ATF6: variants seen among roughly 807,000 people sequenced by gnomAD.
ATF6 encodes the protein activating transcription factor 6.
In ATF6, 53 loss-of-function variants were observed where a neutral mutation model predicts 83.6. The ratio of observed to expected loss-of-function variants is 0.63; its 90% CI spans 0.51 to 0.80. The LOEUF is 0.80. ATF6 is among the 30% of genes least tolerant of loss of function. The pLI, the probability that ATF6 is intolerant of heterozygous loss-of-function variation, is 0.00. For missense variants in ATF6, 744 were observed against 797.9 expected (o/e 0.93, Z 0.81); for synonymous variants, 288 against 285.8 (o/e 1.01, Z -0.08).
chr1:161,820,303 A>T (rs770561734), intron 8 of ATF6, among the ~76,000 whole-genome samples: 2 of 152,122 alleles, frequency 1.3e-5, no homozygotes, highest in Non-Finnish European at 2.9e-5. Context: ...AACCATATAG[A>T]TGCCTACTGA....
At chr1:161,841,389 C>T (rs370085146) in intron 9 of ATF6, among the ~76,000 whole-genome samples, 14 of 152,160 alleles carry the variant, frequency 9.2e-5, no homozygotes, top group African/African-American at 3.4e-4. Context: ...CTGAATTGGA[C>T]AATCAACTTG....
At chr1:161,862,108 G>A (rs4656336) in intron 13 of ATF6, among the ~76,000 whole-genome samples, 74,762 of 152,042 alleles carry the variant, frequency 0.49, 22,442 homozygotes, top group Middle Eastern at 0.66. Context: ...ACCTAACCCT[G>A]TATTTCCCCC....
intron 6 of ATF6, among the ~76,000 whole-genome samples, chr1:161,796,545 C>A (rs1284192614): frequency 6.6e-6 from 1 of 152,118 alleles, no homozygotes; most frequent in Non-Finnish European, 1.5e-5. Flanking sequence ...TTCTGTAGAC[C>A]AAATAATTTA....
intron 13 of ATF6, among the ~76,000 whole-genome samples, chr1:161,862,153 G>A (rs1220714373): frequency 6.6e-6 from 1 of 152,106 alleles, no homozygotes; most frequent in Non-Finnish European, 1.5e-5. Context: ...ATTCATTGCT[G>A]GCAGTGACTT....
At chr1:161,873,031 C>T (rs1366305481) in intron 14 of ATF6, among the ~76,000 whole-genome samples, 1 of 151,466 alleles carries the variant, frequency 6.6e-6, no homozygotes, top group Non-Finnish European at 1.5e-5. Flanking sequence ...CATTGTTCCT[C>T]CTCTGTATTG....
chr1:161,855,223 T>C (rs575242835), intron 12 of ATF6, among the ~76,000 whole-genome samples: 1 of 152,280 alleles, frequency 6.6e-6, no homozygotes, highest in South Asian at 2.1e-4. Context: ...GAAGCCATTT[T>C]AGTGGGCTAG....
intron 7 of ATF6, among the ~76,000 whole-genome samples, chr1:161,802,575 T>C (rs1334917075): frequency 6.6e-6 from 1 of 152,186 alleles, no homozygotes; most frequent in Admixed American, 6.5e-5. Context: ...TTCAAGCCCT[T>C]ACACCCTCAA....
At chr1:161,831,081 A>G (rs1259933886) in intron 9 of ATF6, among the ~76,000 whole-genome samples, 1 of 152,118 alleles carries the variant, frequency 6.6e-6, no homozygotes, top group South Asian at 2.1e-4. Context: ...GAATCTACAA[A>G]GAACTCAAAC....
At chr1:161,872,276 C>G (rs1280827479) in intron 14 of ATF6, among the ~76,000 whole-genome samples, 1 of 151,626 alleles carries the variant, frequency 6.6e-6, no homozygotes, top group Non-Finnish European at 1.5e-5. Context: ...CAGAATTTAA[C>G]CAAGAAAGTC....
intron 7 of ATF6, among the ~76,000 whole-genome samples, chr1:161,813,063 C>T (rs548284690): frequency 2.6e-5 from 4 of 151,846 alleles, no homozygotes; most frequent in African/African-American, 4.8e-5. Flanking sequence ...AAATTACCCA[C>T]GTCCTTTGCT....
chr1:161,777,270 A>G (rs1428357905), intron 1 of ATF6, among the ~76,000 whole-genome samples: 1 of 152,206 alleles, frequency 6.6e-6, no homozygotes, highest in Non-Finnish European at 1.5e-5. Context: ...CTCTGCTTAT[A>G]TGTTTCTTGG....
At position 161,781,018 on chromosome 1, in the gene ATF6, T is replaced by C. The variant is rs554776099; in HGVS notation, c.160-894T>C. 3.3e-5 allele frequency among the ~76,000 whole-genome samples: 5 copies of C among 152,368 alleles called. No individual in the cohort carries two copies. In the South Asian group the frequency reaches 1.0e-3, roughly 32 times the overall value. ...TAATATTTACTGCCTTTTGACTTTA[T>C]TGCATTATTTATGTATTAAGTTTAC... On this transcript the variant is annotated intron_variant, in intron 2 of 15. Transcript: ENST00000367942.
intron 1 of ATF6, among the ~76,000 whole-genome samples, chr1:161,773,203 G>A (rs1293949055): frequency 1.3e-5 from 2 of 149,538 alleles, no homozygotes; most frequent in East Asian, 2.0e-4. Flanking sequence ...TGGCTCACTC[G>A]GCTCACTGCA....
chr1:161,777,763 C>G (rs1684549786), intron 1 of ATF6, among the ~76,000 whole-genome samples: 1 of 152,094 alleles, frequency 6.6e-6, no homozygotes, highest in Non-Finnish European at 1.5e-5. Flanking sequence ...TGAATGAATC[C>G]TTTATTGTCT....
At chr1:161,870,068 G>C (rs1332041815) in intron 14 of ATF6, among the ~76,000 whole-genome samples, 1 of 150,710 alleles carries the variant, frequency 6.6e-6, no homozygotes, top group Non-Finnish European at 1.5e-5. Flanking sequence ...CTTTATATCT[G>C]GCACTTTTAG....
At chr1:161,829,413 A>G (rs1207599975) in intron 9 of ATF6, among the ~76,000 whole-genome samples, 1 of 152,010 alleles carries the variant, frequency 6.6e-6, no homozygotes, top group Non-Finnish European at 1.5e-5. Context: ...CAGACCTAAT[A>G]TACATCTACA....
chr1:161,955,574 C>T (rs147510924), intron 15 of ATF6, among the ~76,000 whole-genome samples: 7 of 152,306 alleles, frequency 4.6e-5, no homozygotes, highest in Admixed American at 6.5e-5. Flanking sequence ...TCAGTAATGA[C>T]GAGATTGCCT....
chr1:161,876,554 AT>A (rs1308656445), intron 14 of ATF6, among the ~76,000 whole-genome samples: 2 of 152,016 alleles, frequency 1.3e-5, no homozygotes, highest in African/African-American at 4.8e-5. Flanking sequence ...TGTTTAAAAT[AT>A]CCAGTTCCAT....
intron 15 of ATF6, among the ~76,000 whole-genome samples, chr1:161,915,319 T>C (rs1283154742): frequency 6.6e-6 from 1 of 152,210 alleles, no homozygotes; most frequent in African/African-American, 2.4e-5. Flanking sequence ...GTACCTCAGC[T>C]TCCTCATCTG....
Sources: allele counts gnomAD v4.1 joint callset (sites outside exome capture counted in the v4.1 genomes callset), GRCh38; gene constraint gnomAD v4.1.1; transcripts MANE v1.5; gene names NCBI Gene and HGNC (gene_info 2026-07-23, HGNC 2026-07-21).